Variants in CDCA2 observed in about 807,000 individuals in gnomAD.
CDCA2 encodes cell division cycle associated 2.
Under a neutral mutation model 67.0 loss-of-function variants are expected in CDCA2, and 44 were observed. That is an observed-to-expected ratio of 0.66 (90% CI 0.52 to 0.84). The LOEUF is 0.84. Among genes scored for constraint, CDCA2 ranks in the 40% least tolerant of loss-of-function variants. CDCA2 has a pLI of 0.00. For missense variants in CDCA2, 1,253 were observed against 1,203.2 expected, an observed-to-expected ratio of 1.04 and a Z score of -0.61; for synonymous variants, 447 against 418.7, an observed-to-expected ratio of 1.07 and a Z score of -0.82.
rs781651793 is a variant in CDCA2, at chr8:25,462,180, C to T, written c.359C>T (p.Ser120Phe). ...CAAAATATAAAGAATGCTAGGAAATCTCCTTTGGCACAAGATTCTCCTTCC... is the reference window on the plus strand; with the variant it reads ...CAAAATATAAAGAATGCTAGGAAATTTCCTTTGGCACAAGATTCTCCTTCC... The part of the protein sequence containing the change: ...RQQNIKNARK[S>F]PLAQDSPSQG... Residue 120 changes from serine (S) to phenylalanine (F), a missense_variant, in exon 4 of 15, where the codon TCT becomes TTT. By Grantham distance (155) the Ser-to-Phe change is radical. Coordinates refer to ENST00000330560, the MANE Select transcript of CDCA2 (RefSeq NM_152562.4). The T allele has an allele frequency of 1.2e-6, 2 of 1,614,166 alleles. No homozygotes were observed. Among genetic ancestry groups the T allele is most frequent in the African/African-American group, 1.3e-5 (1 of 75,050 alleles).
intron 7 of CDCA2, among the ~76,000 whole-genome samples, chr8:25,475,954 A>C (rs1311936105): frequency 6.6e-6 from 1 of 152,194 alleles, no homozygotes; most frequent in African/African-American, 2.4e-5. Flanking sequence ...GGGAAGCCAA[A>C]CGTCTGCTTC....
intron 12 of CDCA2, 107 bp downstream of exon 12, chr8:25,487,441 C>A: frequency 1.3e-6 from 1 of 760,690 alleles, no homozygotes; most frequent in South Asian, 1.7e-5. Flanking sequence ...TAATCAGTGT[C>A]ATTAAGAATT....
intron 14 of CDCA2, among the ~76,000 whole-genome samples, chr8:25,505,814 T>C (rs1055507452): frequency 1.3e-5 from 2 of 152,204 alleles, no homozygotes; most frequent in African/African-American, 4.8e-5. Flanking sequence ...CCTGAACTCA[T>C]GTGGGCTGTG....
At chr8:25,498,467 C>A in intron 13 of CDCA2, among the ~76,000 whole-genome samples, 1 of 132,834 alleles carries the variant, frequency 7.5e-6, no homozygotes, top group Non-Finnish European at 1.7e-5. Context: ...CCCCCCCGCC[C>A]CCCAGGCCTC....
intron 13 of CDCA2, among the ~76,000 whole-genome samples, chr8:25,492,936 C>T (rs1567122): frequency 0.38 from 57,747 of 151,994 alleles, 11,343 homozygotes; most frequent in African/African-American, 0.49. Context: ...TGGGTTCATT[C>T]CTGCCTCCAG....
intron 11 of CDCA2, among the ~76,000 whole-genome samples, chr8:25,486,084 A>G (rs893910564): frequency 2.6e-5 from 4 of 152,132 alleles, no homozygotes; most frequent in Non-Finnish European, 1.5e-5. Flanking sequence ...TAGTTGCTAG[A>G]AGCAATGGAG....
intron 8 of CDCA2, among the ~76,000 whole-genome samples, chr8:25,482,034 A>T (rs1803591400): frequency 6.6e-6 from 1 of 152,178 alleles, no homozygotes; most frequent in Non-Finnish European, 1.5e-5. Context: ...TTGAGGCCGG[A>T]TGAGTAGGTG....
At chr8:25,478,900 A>AT (rs1803458751) in intron 7 of CDCA2, among the ~76,000 whole-genome samples, 1 of 149,308 alleles carries the variant, frequency 6.7e-6, no homozygotes, top group Non-Finnish European at 1.5e-5. Flanking sequence ...ATATATATAT[A>AT]TATATATATA....
At chr8:25,471,002 T>TCCAC (rs2117492398) in intron 7 of CDCA2, among the ~76,000 whole-genome samples, 1 of 152,250 alleles carries the variant, frequency 6.6e-6, no homozygotes, top group South Asian at 2.1e-4. Context: ...CCTTTAGCAA[T>TCCAC]CCACCCATCT....
intron 8 of CDCA2, among the ~76,000 whole-genome samples, chr8:25,480,640 A>G (rs928238716): frequency 2.6e-5 from 4 of 152,288 alleles, no homozygotes; most frequent in Admixed American, 6.5e-5. Context: ...TCTGGCATAT[A>G]TATATAACAG....
At chr8:25,498,453 A>ACCCCCCCCCCCCCCCCCCCCCCCCCC (rs60633246) in intron 13 of CDCA2, among the ~76,000 whole-genome samples, 17 of 76,650 alleles carry the variant, frequency 2.2e-4, no homozygotes, top group Admixed American at 7.2e-4. Context: ...GGTAATCTGC[A>ACCCCCCCCCCCCCCCCCCCCCCCCCC]CCCCCCCCCC....
intron 7 of CDCA2, among the ~76,000 whole-genome samples, chr8:25,473,423 TTTTA>T (rs1475273148): frequency 1.3e-5 from 2 of 152,200 alleles, no homozygotes; most frequent in African/African-American, 4.8e-5. Context: ...ATCATATGGT[TTTTA>T]TTTTTCATCT....
chr8:25,479,605 G>A (rs1208280351), intron 7 of CDCA2: 5 of 370,226 alleles, frequency 1.4e-5, no homozygotes, highest in Admixed American at 1.3e-4. Context: ...GTAGAGGCAC[G>A]CTAATAGCTT....
At chr8:25,497,904 T>C (rs529126490) in intron 13 of CDCA2, among the ~76,000 whole-genome samples, 1 of 152,318 alleles carries the variant, frequency 6.6e-6, no homozygotes, top group East Asian at 1.9e-4. Flanking sequence ...TACCAATTTA[T>C]AGGACATGGA....
At position 25,506,522 on chromosome 8, in the gene CDCA2, C is replaced by G; in HGVS notation, c.1856C>G (p.Ser619Ter). The G allele has an allele frequency of 6.4e-7, 1 of 1,569,680 alleles. No homozygotes were observed. The highest frequency in any genetic ancestry group is 8.6e-7 in the Non-Finnish European group (1 of 1,165,334). Reference protein sequence around the residue: ...IRRLGSGYFSSNGKLEEVKTP... With the variant: ...IRRLGSGYFS The stretch of plus-strand genomic sequence containing the variant: ...TACATGCCCATAGGTTATTTCAGTT[C>G]AAATGGCAAACTGGAAGAAGTGAAG... The change falls in exon 15 of 15, where the codon TCA (serine) becomes TGA (stop). Residue 619 changes from serine (S) to a stop codon, truncating the protein, a stop_gained. Transcript: ENST00000330560. LOFTEE classifies it low-confidence loss of function (END_TRUNC).
chr8:25,462,024 G>A (rs1802710784), intron 3 of CDCA2, 30 bp from the exon 4 acceptor site: 3 of 1,602,440 alleles, frequency 1.9e-6, no homozygotes, highest in Non-Finnish European at 2.6e-6. Context: ...GCCTTGTTTT[G>A]TTCCAATTTA....
rs760013934 is a variant in CDCA2, at chr8:25,507,744, A to G, written c.*6A>G. ...ATGGAGAAAGAAAGCAGTAATTGAC[A>G]TTTCCTGCAGAGTCTGTGGCAAGAG... On this transcript the variant is annotated 3_prime_UTR_variant, in exon 15 of 15. Transcript: ENST00000330560. The G allele has an allele frequency of 1.2e-6, 2 of 1,607,090 alleles. No individual in the cohort carries two copies. Among genetic ancestry groups the G allele is most frequent in the South Asian group, 2.2e-5 (2 of 90,228 alleles).
chr8:25,477,562 C>G (rs1353890541), intron 7 of CDCA2, among the ~76,000 whole-genome samples: 1 of 152,090 alleles, frequency 6.6e-6, no homozygotes, highest in African/African-American at 2.4e-5. Flanking sequence ...GCAAATATTT[C>G]AAAATCTGAA....
intron 13 of CDCA2, among the ~76,000 whole-genome samples, chr8:25,498,453 A>ACCACCCCCCCCCCCCCCC (rs375231236): frequency 2.6e-5 from 2 of 76,614 alleles, no homozygotes; most frequent in African/African-American, 8.8e-5. Flanking sequence ...GGTAATCTGC[A>ACCACCCCCCCCCCCCCCC]CCCCCCCCCC....
Sources: allele counts gnomAD v4.1 joint callset (sites outside exome capture counted in the v4.1 genomes callset), GRCh38; gene constraint gnomAD v4.1.1; transcripts MANE v1.5; gene names NCBI Gene and HGNC (gene_info 2026-07-23, HGNC 2026-07-21).